Variants in GRIK1 observed in about 807,000 individuals in gnomAD.
GRIK1 encodes the protein glutamate ionotropic receptor kainate type subunit 1.
GRIK1 carries 69 observed loss-of-function variants against 105.7 expected under a neutral mutation model. That is an observed-to-expected ratio of 0.65 (90% CI 0.54 to 0.80). GRIK1 has a LOEUF of 0.80. GRIK1 is among the 30% of genes least tolerant of loss of function. GRIK1 has a pLI of 0.00. For missense variants in GRIK1, 1,109 were observed against 1,167.3 expected (o/e 0.95, Z 0.73); for synonymous variants, 438 against 431.3 (o/e 1.02, Z -0.19).
intron 1 of GRIK1, among the ~76,000 whole-genome samples, chr21:29,791,530 A>G (rs1477888729): frequency 1.3e-5 from 2 of 152,130 alleles, no homozygotes; most frequent in African/African-American, 4.8e-5. Context: ...TTTAAATAGT[A>G]TAGTTTAGGT....
chr21:29,870,336 G>T (rs2068965502), intron 1 of GRIK1, among the ~76,000 whole-genome samples: 2 of 151,912 alleles, frequency 1.3e-5, no homozygotes, highest in South Asian at 4.1e-4. Flanking sequence ...AGGCCCAACA[G>T]CAGGAACAAG....
At chr21:29,783,087 G>A (rs190602900) in intron 1 of GRIK1, among the ~76,000 whole-genome samples, 25 of 152,178 alleles carry the variant, frequency 1.6e-4, no homozygotes, top group East Asian at 9.6e-4. Context: ...CTTGAACAAT[G>A]CTTAATTTAT....
At chr21:29,883,648 T>C (rs1320358437) in intron 1 of GRIK1, among the ~76,000 whole-genome samples, 2 of 152,036 alleles carry the variant, frequency 1.3e-5, no homozygotes, top group Non-Finnish European at 2.9e-5. Flanking sequence ...TTATCAGGTA[T>C]CAGGTTATAA....
intron 7 of GRIK1, among the ~76,000 whole-genome samples, chr21:29,608,988 G>T (rs1388839224): frequency 6.6e-6 from 1 of 151,880 alleles, no homozygotes; most frequent in Non-Finnish European, 1.5e-5. Flanking sequence ...CTGCTGAGGG[G>T]AATCTAATTG....
At chr21:29,714,798 A>G (rs1199247248) in intron 1 of GRIK1, among the ~76,000 whole-genome samples, 1 of 152,178 alleles carries the variant, frequency 6.6e-6, no homozygotes, top group Non-Finnish European at 1.5e-5. Flanking sequence ...TTCTTTATAA[A>G]TCAATCAATC....
At chr21:29,557,331 C>T (rs1444658843) in intron 15 of GRIK1, among the ~76,000 whole-genome samples, 1 of 152,186 alleles carries the variant, frequency 6.6e-6, no homozygotes, top group East Asian at 1.9e-4. Context: ...CAGTCCAGTC[C>T]ACTTACAGTT....
At chr21:29,678,623 G>A (rs1259500470) in intron 3 of GRIK1, among the ~76,000 whole-genome samples, 2 of 152,022 alleles carry the variant, frequency 1.3e-5, no homozygotes, top group Non-Finnish European at 2.9e-5. Flanking sequence ...AGATATGAAG[G>A]GTAGAAAAAA....
intron 1 of GRIK1, among the ~76,000 whole-genome samples, chr21:29,890,981 A>G (rs1306340863): frequency 1.3e-5 from 2 of 152,190 alleles, no homozygotes; most frequent in East Asian, 3.8e-4. Flanking sequence ...GCTATTAGCT[A>G]ATACTGAGGA....
intron 1 of GRIK1, among the ~76,000 whole-genome samples, chr21:29,725,296 C>A (rs2064429573): frequency 6.6e-6 from 1 of 152,164 alleles, no homozygotes. Flanking sequence ...AACAACCTGC[C>A]AATTCTTATC....
rs540306856 is a variant in GRIK1, at chr21:29,575,810, C to T, written c.2130+1154G>A. Among the ~76,000 whole-genome samples the T allele has an allele frequency of 4.6e-5, 7 of 152,108 alleles. No homozygotes were observed. The East Asian group carries it at 7.7e-4, about 17-fold the overall frequency. ...TCGCGCCACTGGACTCCAGCCTGGG[C>T]GACAGAGCGAGACTCCATCTCAAAA... is the stretch of plus-strand genomic sequence containing the variant. On this transcript the variant is annotated intron_variant, in intron 14 of 17. Coordinates refer to ENST00000327783, the MANE Select transcript of GRIK1 (RefSeq NM_001330994.2).
chr21:29,676,175 T>A (rs1313839354), intron 3 of GRIK1, among the ~76,000 whole-genome samples: 1 of 152,230 alleles, frequency 6.6e-6, no homozygotes, highest in African/African-American at 2.4e-5. Context: ...AATAAATTTA[T>A]CTTTTACAAA....
At chr21:29,834,024 T>C (rs948545551) in intron 1 of GRIK1, among the ~76,000 whole-genome samples, 3 of 152,150 alleles carry the variant, frequency 2.0e-5, no homozygotes, top group African/African-American at 7.2e-5. Flanking sequence ...AATGTATTAG[T>C]CTTTTGCATT....
At chr21:29,794,739 G>A (rs535186248) in intron 1 of GRIK1, among the ~76,000 whole-genome samples, 2 of 152,240 alleles carry the variant, frequency 1.3e-5, no homozygotes, top group Admixed American at 6.5e-5. Context: ...GTTTTTCATG[G>A]TAAAGAGAAA....
chr21:29,706,972 C>T (rs1050414657), intron 1 of GRIK1, among the ~76,000 whole-genome samples: 1 of 152,184 alleles, frequency 6.6e-6, no homozygotes, highest in Non-Finnish European at 1.5e-5. Flanking sequence ...TCACGCCATT[C>T]TCCTGCCTCG....
At chr21:29,924,773 G>C (rs1454850330) in intron 1 of GRIK1, among the ~76,000 whole-genome samples, 1 of 152,038 alleles carries the variant, frequency 6.6e-6, no homozygotes, top group Non-Finnish European at 1.5e-5. Context: ...TTAGAGGTGA[G>C]GTGGTCTTCT....
chr21:29,701,990 G>A (rs990630549), intron 1 of GRIK1, among the ~76,000 whole-genome samples: 2 of 152,176 alleles, frequency 1.3e-5, no homozygotes, highest in Admixed American at 6.5e-5. Context: ...TTCTTTTGTG[G>A]TGCCTATTAG....
chr21:29,766,745 G>C (rs898444597), intron 1 of GRIK1, among the ~76,000 whole-genome samples: 8 of 152,174 alleles, frequency 5.3e-5, no homozygotes, highest in African/African-American at 1.9e-4. Flanking sequence ...TTGTATAAGG[G>C]AGAAGAATAA....
At position 29,561,825 on chromosome 21, in the gene GRIK1, T is replaced by C. The variant is rs751630330; in HGVS notation, c.2155A>G (p.Lys719Glu). The change falls in exon 15 of 18, where the codon AAG becomes GAG. Residue 719 changes from lysine (K) to glutamate (E), a missense_variant. By Grantham distance (56) the Lys-to-Glu change is moderately conservative. This residue lies in a region of GRIK1 where 264 missense variants were observed against 306.9 expected (regional missense o/e 0.86). Transcript: ENST00000327783. ...FKKSKISTYE[K>E]MWAFMSSRQQ... ...CTGCTGCTCATGAAAGCCCACATCT[T>C]CTCATAGGTGGAGATTTTTGATTTC... The C allele has an allele frequency of 2.8e-5, 45 of 1,612,876 alleles. No homozygotes were observed. The highest frequency in any genetic ancestry group is 3.4e-5 in the Non-Finnish European group (40 of 1,179,124).
chr21:29,678,614 G>A (rs2063317104), intron 3 of GRIK1, among the ~76,000 whole-genome samples: 1 of 152,124 alleles, frequency 6.6e-6, no homozygotes, highest in African/African-American at 2.4e-5. Context: ...CGAGGTGGGA[G>A]ATATGAAGGG....
Sources: allele counts gnomAD v4.1 joint callset (sites outside exome capture counted in the v4.1 genomes callset), GRCh38; gene constraint gnomAD v4.1.1; regional missense constraint gnomAD v4.1.1; transcripts MANE v1.5; gene names NCBI Gene and HGNC (gene_info 2026-07-23, HGNC 2026-07-21).